The following SYT13 variants were observed in gnomAD, a reference collection of about 807,000 sequenced individuals.
The protein encoded by SYT13 is synaptotagmin 13, also known as synaptotagmin-13.
Under a neutral mutation model 38.6 loss-of-function variants are expected in SYT13, and 21 were observed. The ratio of observed to expected loss-of-function variants is 0.54; its 90% CI spans 0.39 to 0.78. SYT13 has a LOEUF of 0.78. Among genes scored for constraint, SYT13 ranks in the 30% least tolerant of loss-of-function variants. The probability of loss-of-function intolerance (pLI) is 0.00; values close to 1 mark genes in which losing one functional copy is unlikely to be tolerated. For missense variants in SYT13, 495 were observed against 548.7 expected (o/e 0.90, Z 0.98); for synonymous variants, 241 against 237.6 (o/e 1.01, Z -0.13).
chr11:45,263,374 A>G (rs992687759), intron 1 of SYT13, among the ~76,000 whole-genome samples: 2 of 152,210 alleles, frequency 1.3e-5, no homozygotes, highest in African/African-American at 4.8e-5. Context: ...CTTTTGTGAC[A>G]TGATTAATTT....
chr11:45,278,341 A>G (rs1001559860), intron 1 of SYT13, among the ~76,000 whole-genome samples: 1 of 152,166 alleles, frequency 6.6e-6, no homozygotes, highest in African/African-American at 2.4e-5. Context: ...AGTGTGGACA[A>G]CAAAGGGACT....
chr11:45,262,543 T>C (rs1022316899), intron 1 of SYT13, among the ~76,000 whole-genome samples: 1 of 151,968 alleles, frequency 6.6e-6, no homozygotes, highest in African/African-American at 2.4e-5. Flanking sequence ...ATGGACAACA[T>C]AGTGAGACCC....
At chr11:45,251,829 C>T (rs1854680219) in intron 4 of SYT13, among the ~76,000 whole-genome samples, 2 of 152,228 alleles carry the variant, frequency 1.3e-5, no homozygotes, top group African/African-American at 4.8e-5. Flanking sequence ...CATGGACCAC[C>T]GGGCTCTGGG....
Position 45,255,711 on chromosome 11 carries a change from G to A in SYT13, c.364C>T (p.Leu122Phe). The change falls in exon 2 of 6, where the codon CTC becomes TTC. Residue 122 changes from leucine to phenylalanine, a missense_variant. Physicochemically the swap from Leu to Phe is conservative, Grantham distance 22. Coordinates refer to ENST00000020926, the MANE Select transcript of SYT13 (RefSeq NM_020826.3). The stretch of plus-strand genomic sequence containing the variant: ...AGCTCCTCTGTGACCTGCCTCTTGA[G>A]GCGACTGTCATTCGGGGGTTGGGGG... ...ASPQPPNDSR[L>F]KRQVTEELFI... The A allele has an allele frequency of 6.2e-7, 1 of 1,614,130 alleles. No individual in the cohort carries two copies. The highest frequency in any genetic ancestry group is 8.5e-7 in the Non-Finnish European group (1 of 1,180,022).
intron 3 of SYT13, 22 bp downstream of exon 3, chr11:45,254,248 G>A (rs747183168): frequency 1.2e-5 from 19 of 1,595,372 alleles, no homozygotes; most frequent in Middle Eastern, 1.7e-4. Context: ...AGAAGCCCAC[G>A]AGAGTCAAAT....
At chr11:45,250,713 A>G (rs533291174) in intron 4 of SYT13, among the ~76,000 whole-genome samples, 7 of 152,212 alleles carry the variant, frequency 4.6e-5, no homozygotes, top group African/African-American at 1.7e-4. Flanking sequence ...TTTTCTAACA[A>G]TTTTCTGAGC....
At chr11:45,273,272 A>T (rs914954004) in intron 1 of SYT13, among the ~76,000 whole-genome samples, 2 of 152,206 alleles carry the variant, frequency 1.3e-5, no homozygotes, top group Non-Finnish European at 2.9e-5. Flanking sequence ...CAGTGGCCTG[A>T]CAGGATCTGA....
chr11:45,265,761 A>G (rs1854874654), intron 1 of SYT13, among the ~76,000 whole-genome samples: 1 of 152,104 alleles, frequency 6.6e-6, no homozygotes, highest in Non-Finnish European at 1.5e-5. Flanking sequence ...GAGAATTCCA[A>G]CATATGAATT....
intron 1 of SYT13, among the ~76,000 whole-genome samples, chr11:45,280,960 C>T (rs971263204): frequency 3.3e-5 from 5 of 152,128 alleles, no homozygotes; most frequent in African/African-American, 7.2e-5. Context: ...TTTGAGAGAC[C>T]GAGATGGGCG....
chr11:45,274,248 T>C (rs1854983663), intron 1 of SYT13, among the ~76,000 whole-genome samples: 1 of 152,210 alleles, frequency 6.6e-6, no homozygotes, highest in African/African-American at 2.4e-5. Flanking sequence ...AAGGCTACAA[T>C]GTGGTGGGAT....
At position 45,241,500 on chromosome 11, in the gene SYT13, C is replaced by T. The variant is rs1391564153; in HGVS notation, c.*2552G>A. ...TCTGGAAGACTAAAACTTTGAGATC[C>T]CTCCCCCGCCCCGCCCCCCCAAAAA... On this transcript the variant is annotated 3_prime_UTR_variant, in exon 6 of 6. Coordinates refer to ENST00000020926, the MANE Select transcript of SYT13 (RefSeq NM_020826.3). 1.4e-4 allele frequency: 11 copies of T among 80,642 alleles called. No individual in the cohort carries two copies. Among genetic ancestry groups the T allele is most frequent in the African/African-American group, 4.0e-4 (11 of 27,266 alleles). 5.0% of individuals were successfully genotyped at this position (80,642 alleles called of 1,614,324 possible).
chr11:45,281,118 C>T (rs1855065898), intron 1 of SYT13, among the ~76,000 whole-genome samples: 1 of 152,078 alleles, frequency 6.6e-6, no homozygotes, highest in East Asian at 1.9e-4. Flanking sequence ...ATTGCTTGAA[C>T]CCAGGAGGCA....
chr11:45,269,370 C>A, intron 1 of SYT13: 1 of 959,440 alleles, frequency 1.0e-6, no homozygotes, highest in Non-Finnish European at 1.3e-6. Context: ...ACAAAAAACT[C>A]CGTGGGACTG....
chr11:45,254,425 G>A (rs760112261), intron 2 of SYT13, 21 bp from the exon 3 acceptor site: 21 of 1,607,080 alleles, frequency 1.3e-5, no homozygotes, highest in Non-Finnish European at 1.6e-5. Context: ...AGTCGAAATC[G>A]TCACTGCCAC....
intron 1 of SYT13, among the ~76,000 whole-genome samples, chr11:45,274,815 C>T (rs1854990557): frequency 6.6e-6 from 1 of 152,196 alleles, no homozygotes; most frequent in Non-Finnish European, 1.5e-5. Context: ...TTACATCGTG[C>T]TGTTCTTACC....
chr11:45,256,594 C>T (rs1854750304), intron 1 of SYT13, among the ~76,000 whole-genome samples: 1 of 152,198 alleles, frequency 6.6e-6, no homozygotes, highest in Non-Finnish European at 1.5e-5. Context: ...CACCACATCC[C>T]ACTCTTTGCT....
chr11:45,271,308 G>A (rs1051198870), intron 1 of SYT13, among the ~76,000 whole-genome samples: 1 of 152,148 alleles, frequency 6.6e-6, no homozygotes, highest in African/African-American at 2.4e-5. Flanking sequence ...CCAAATACCT[G>A]GACTGTAGGC....
At position 45,252,788 on chromosome 11, in the gene SYT13, GC is replaced by G. The variant is rs1854695945; in HGVS notation, c.545-67del. On this transcript the variant is annotated intron_variant, in intron 3 of 5. Coordinates refer to ENST00000020926, the MANE Select transcript of SYT13 (RefSeq NM_020826.3). The surrounding 1 kb of genome is among the most constrained non-coding windows in gnomAD (Gnocchi z 4.3). ...GGACAAGTGGAGGGGGCAGAAGCAC[GC>G]CTTGCTTAGGGCTGTGGAATCCAGC... 3.3e-6 allele frequency: 5 copies of G among 1,496,556 alleles called. No individual in the cohort carries two copies. Among genetic ancestry groups the G allele is most frequent in the Non-Finnish European group, 4.5e-6 (5 of 1,114,670 alleles). 92.7% of individuals were successfully genotyped at this position (1,496,556 alleles called of 1,614,324 possible).
At chr11:45,281,038 T>C (rs1180852668) in intron 1 of SYT13, among the ~76,000 whole-genome samples, 1 of 151,916 alleles carries the variant, frequency 6.6e-6, no homozygotes. Context: ...CTACTAAAAA[T>C]ACAAAAGATT....
Sources: allele counts gnomAD v4.1 joint callset (sites outside exome capture counted in the v4.1 genomes callset), GRCh38; gene constraint gnomAD v4.1.1; non-coding constraint Gnocchi (gnomAD v3.1); transcripts MANE v1.5; gene names NCBI Gene and HGNC (gene_info 2026-07-23, HGNC 2026-07-21).